Variants in ADAMTSL1 observed in about 807,000 individuals in gnomAD.
ADAMTSL1 encodes ADAMTS like 1, also known as ADAMTS-like protein 1.
Under a neutral mutation model 201.8 loss-of-function variants are expected in ADAMTSL1, and 126 were observed. The observed-to-expected ratio is 0.62, with a 90% CI of 0.54 to 0.72. ADAMTSL1 has a LOEUF of 0.72. Ranked by LOEUF, ADAMTSL1 falls within the 30% of genes least tolerant of loss-of-function variation. The probability of loss-of-function intolerance (pLI) is 0.00; values close to 1 mark genes in which losing one functional copy is unlikely to be tolerated. For synonymous variants in ADAMTSL1, 1,121 were observed against 903.4 expected, an observed-to-expected ratio of 1.24 and a Z score of -4.32; for missense variants, 2,679 against 2,277.8, an observed-to-expected ratio of 1.18 and a Z score of -3.59.
chr9:17,944,455 G>A (rs1232542072), intron 1 of ADAMTSL1, among the ~76,000 whole-genome samples: 6 of 151,778 alleles, frequency 4.0e-5, no homozygotes, highest in East Asian at 1.9e-4. Context: ...ACAGAATTGG[G>A]AAAAACTACT....
intron 23 of ADAMTSL1, among the ~76,000 whole-genome samples, chr9:18,864,752 G>T (rs1438931664): frequency 6.6e-6 from 1 of 152,188 alleles, no homozygotes; most frequent in African/African-American, 2.4e-5. Flanking sequence ...CAGAAAGTCA[G>T]TGAAGTCAAT....
intron 2 of ADAMTSL1, among the ~76,000 whole-genome samples, chr9:18,407,827 A>G (rs900550829): frequency 6.6e-6 from 1 of 152,214 alleles, no homozygotes; most frequent in Non-Finnish European, 1.5e-5. Flanking sequence ...TCAGAGAAGA[A>G]TGAGAGGGTC....
At chr9:18,779,498 TTAGA>T (rs768929614) in intron 19 of ADAMTSL1, among the ~76,000 whole-genome samples, 1 of 152,176 alleles carries the variant, frequency 6.6e-6, no homozygotes, top group Non-Finnish European at 1.5e-5. Context: ...TTACCACATC[TTAGA>T]TAGAAAGCTG....
intron 7 of ADAMTSL1, among the ~76,000 whole-genome samples, chr9:18,647,857 C>T (rs1336341618): frequency 4.0e-5 from 6 of 151,332 alleles, no homozygotes; most frequent in East Asian, 1.9e-4. Flanking sequence ...AAAAAATGTA[C>T]ATTCTGTTGA....
intron 2 of ADAMTSL1, among the ~76,000 whole-genome samples, chr9:18,183,384 A>G (rs1290681681): frequency 3.9e-5 from 6 of 152,228 alleles, no homozygotes; most frequent in Admixed American, 3.9e-4. Context: ...TCAAGACTTC[A>G]CTATAACTAA....
intron 2 of ADAMTSL1, among the ~76,000 whole-genome samples, chr9:18,438,280 C>T (rs1017125839): frequency 2.0e-5 from 3 of 151,864 alleles, no homozygotes; most frequent in Admixed American, 2.0e-4. Context: ...GAAAGACTAT[C>T]AACAGAACTT....
intron 1 of ADAMTSL1, among the ~76,000 whole-genome samples, chr9:18,128,090 C>T (rs578219878): frequency 1.3e-5 from 2 of 152,148 alleles, no homozygotes; most frequent in South Asian, 2.1e-4. Flanking sequence ...ATAAAGTTGC[C>T]AAATAGTTTG....
intron 1 of ADAMTSL1, among the ~76,000 whole-genome samples, chr9:18,117,792 G>T (rs756268437): frequency 6.6e-6 from 1 of 151,974 alleles, no homozygotes; most frequent in Non-Finnish European, 1.5e-5. Flanking sequence ...AATATTTATT[G>T]AATAAACAAA....
chr9:18,838,050 A>G (rs1191892397), intron 23 of ADAMTSL1, among the ~76,000 whole-genome samples: 5 of 151,496 alleles, frequency 3.3e-5, no homozygotes, highest in Non-Finnish European at 2.9e-5. Context: ...CGAGACTGGG[A>G]AGAAGAAGAG....
chr9:18,364,098 G>A (rs1184322794), intron 2 of ADAMTSL1, among the ~76,000 whole-genome samples: 9 of 152,058 alleles, frequency 5.9e-5, no homozygotes, highest in Non-Finnish European at 1.3e-4. Context: ...TCAGGGAAAC[G>A]CTGAGCTGGA....
intron 2 of ADAMTSL1, among the ~76,000 whole-genome samples, chr9:18,316,063 G>A (rs1174225840): frequency 3.3e-5 from 5 of 152,166 alleles, no homozygotes; most frequent in Non-Finnish European, 7.3e-5. Context: ...GTTCCGTGAT[G>A]CCCCACAAGC....
At chr9:18,373,386 C>G (rs982863278) in intron 2 of ADAMTSL1, among the ~76,000 whole-genome samples, 1 of 152,220 alleles carries the variant, frequency 6.6e-6, no homozygotes, top group Admixed American at 6.5e-5. Context: ...GCCAACCACT[C>G]TGCTGGATGG....
intron 2 of ADAMTSL1, among the ~76,000 whole-genome samples, chr9:18,398,184 T>C (rs1344811514): frequency 6.6e-6 from 1 of 152,190 alleles, no homozygotes; most frequent in Non-Finnish European, 1.5e-5. Context: ...CTCATTCACA[T>C]TGAATGGTAG....
rs375580096 is a variant in ADAMTSL1, at chr9:18,892,420, C to G, written c.4675C>G (p.Arg1559Gly). The stretch of plus-strand genomic sequence containing the variant: ...GGTGACCTCCTGGTCTGCCTGTACC[C>G]GGAGCTGTGGGGGAGGTGTCCAGAC... ...WMVTSWSACT[R>G]SCGGGVQTRR... The change falls in exon 26 of 29, where the codon CGG becomes GGG. Residue 1559 changes from arginine to glycine, a missense_variant. Physicochemically the swap from Arg to Gly is moderately radical, Grantham distance 125 (BLOSUM62 -2). Transcript: ENST00000380548. 5 of 1,613,482 alleles carry G rather than the reference C, an allele frequency of 3.1e-6. No individual in the cohort carries two copies. The highest frequency in any genetic ancestry group is 3.4e-6 in the Non-Finnish European group (4 of 1,179,770).
In ADAMTSL1 at chr9:18,480,120, C is replaced by A. The variant is rs557104266; in HGVS notation, c.63+5825C>A. On this transcript the variant is annotated intron_variant, in intron 1 of 28. Transcript: ENST00000380548. ...GTCCTCAGGAAGAAAACGATACTTA[C>A]ATTAGTCACAGTTTTGTAAAACTTG... is the stretch of plus-strand genomic sequence containing the variant. Among the ~76,000 whole-genome samples, 4 of 152,282 alleles carry A rather than the reference C, an allele frequency of 2.6e-5. No homozygotes were observed. In the East Asian group the frequency reaches 7.7e-4, roughly 29 times the overall value.
chr9:18,669,926 A>G (rs1240502929), intron 9 of ADAMTSL1, among the ~76,000 whole-genome samples: 1 of 152,166 alleles, frequency 6.6e-6, no homozygotes, highest in Admixed American at 6.5e-5. Flanking sequence ...TCCAACTCCC[A>G]GCCTCTCAGG....
At chr9:18,255,213 A>G (rs1301787926) in intron 2 of ADAMTSL1, among the ~76,000 whole-genome samples, 2 of 152,136 alleles carry the variant, frequency 1.3e-5, no homozygotes, top group Non-Finnish European at 2.9e-5. Flanking sequence ...GGTCCCGTGT[A>G]TTTGCACATT....
At chr9:18,620,755 T>A (rs1469027487) in intron 4 of ADAMTSL1, among the ~76,000 whole-genome samples, 1 of 152,180 alleles carries the variant, frequency 6.6e-6, no homozygotes, top group Non-Finnish European at 1.5e-5. Context: ...TCTGCCTTTG[T>A]CCCTGACTTT....
intron 3 of ADAMTSL1, among the ~76,000 whole-genome samples, chr9:18,564,820 C>G (rs1587580834): frequency 6.6e-6 from 1 of 151,948 alleles, no homozygotes; most frequent in Non-Finnish European, 1.5e-5. Context: ...GGAGTGAATT[C>G]AAAGAAAGGG....
Sources: allele counts gnomAD v4.1 joint callset (sites outside exome capture counted in the v4.1 genomes callset), GRCh38; gene constraint gnomAD v4.1.1; transcripts MANE v1.5; gene names NCBI Gene and HGNC (gene_info 2026-07-23, HGNC 2026-07-21).